EYS: variants seen among roughly 807,000 people sequenced by gnomAD.
The protein encoded by EYS is protein eyes shut homolog.
EYS carries 250 observed loss-of-function variants against 282.1 expected under a neutral mutation model. That is an observed-to-expected ratio of 0.89 (90% CI 0.80 to 0.98). EYS has a LOEUF of 0.98. Among genes scored for constraint, EYS ranks in the 50% least tolerant of loss-of-function variants. The pLI is 0.00. For synonymous variants in EYS, 1,355 were observed against 1,282.9 expected (o/e 1.06, Z -1.20); for missense variants, 4,016 against 3,709.0 (o/e 1.08, Z -2.15).
At chr6:64,030,287 A>G (rs1046535809) in intron 33 of EYS, among the ~76,000 whole-genome samples, 3 of 152,206 alleles carry the variant, frequency 2.0e-5, no homozygotes, top group Admixed American at 1.3e-4. Flanking sequence ...TAGTAAAGAA[A>G]AAACAGTGTA....
At chr6:63,993,391 A>G (rs1288917283) in intron 34 of EYS, among the ~76,000 whole-genome samples, 1 of 151,838 alleles carries the variant, frequency 6.6e-6, no homozygotes, top group Non-Finnish European at 1.5e-5. Context: ...TTCACAGATG[A>G]CCTGATAATA....
chr6:64,482,842 CTA>C (rs1412084825), intron 26 of EYS, among the ~76,000 whole-genome samples: 1 of 151,638 alleles, frequency 6.6e-6, no homozygotes, highest in East Asian at 1.9e-4. Context: ...TATATTTTTT[CTA>C]TGTTACTTCC....
intron 22 of EYS, among the ~76,000 whole-genome samples, chr6:64,653,034 A>T (rs1357739005): frequency 6.6e-6 from 1 of 152,202 alleles, no homozygotes; most frequent in Non-Finnish European, 1.5e-5. Flanking sequence ...TAGAAATAGG[A>T]TCTTTGCCGA....
intron 12 of EYS, among the ~76,000 whole-genome samples, chr6:65,100,626 A>ATTTTG (rs1774868523): frequency 6.6e-6 from 1 of 150,910 alleles, no homozygotes; most frequent in Non-Finnish European, 1.5e-5. Context: ...ACTTTGTTAT[A>ATTTTG]TTTTGTTTTG....
intron 12 of EYS, among the ~76,000 whole-genome samples, chr6:65,067,182 C>A (rs1426475059): frequency 3.9e-5 from 6 of 152,034 alleles, no homozygotes; most frequent in Non-Finnish European, 5.9e-5. Flanking sequence ...GTGGAGAATT[C>A]AATTGGAAAT....
intron 12 of EYS, among the ~76,000 whole-genome samples, chr6:65,074,879 C>A (rs1774000893): frequency 6.6e-6 from 1 of 151,882 alleles, no homozygotes; most frequent in Non-Finnish European, 1.5e-5. Context: ...TCACTGCATG[C>A]AAAAACAGAA....
chr6:65,335,243 C>G, intron 10 of EYS, 97 bp from the exon 11 acceptor site: 1 of 864,342 alleles, frequency 1.2e-6, no homozygotes, highest in Admixed American at 1.9e-5. Flanking sequence ...GCCTCTCTGT[C>G]TACTAAGATG....
chr6:63,974,142 T>C (rs1766719019), intron 35 of EYS, among the ~76,000 whole-genome samples: 1 of 152,130 alleles, frequency 6.6e-6, no homozygotes, highest in Admixed American at 6.6e-5. Context: ...ATTTTGTTTG[T>C]CAAGCTTTTC....
intron 12 of EYS, among the ~76,000 whole-genome samples, chr6:65,201,330 C>T (rs896367499): frequency 6.6e-6 from 1 of 152,102 alleles, no homozygotes; most frequent in Non-Finnish European, 1.5e-5. Flanking sequence ...TTGTCTTTTA[C>T]TAAATTCCAG....
chr6:64,703,327 G>T (rs1205035071), intron 22 of EYS, among the ~76,000 whole-genome samples: 1 of 140,890 alleles, frequency 7.1e-6, no homozygotes, highest in Non-Finnish European at 1.5e-5. Flanking sequence ...AATTTTTTAT[G>T]TATGTATACT....
chr6:64,958,388 T>A (rs919555752), intron 14 of EYS, among the ~76,000 whole-genome samples: 41 of 141,788 alleles, frequency 2.9e-4, no homozygotes, highest in Non-Finnish European at 4.3e-4. Context: ...TCTCAAAAAC[T>A]AAACAAAACA....
At position 65,495,146 on chromosome 6, in the gene EYS, C is replaced by T. The variant is rs757807856; in HGVS notation, c.265G>A (p.Val89Ile). The T allele has an allele frequency of 3.1e-6, 5 of 1,613,872 alleles. No individual in the cohort carries two copies. In the African/African-American group the frequency reaches 6.7e-5, roughly 22 times the overall value. Reference sequence around the variant, plus strand: ...TGAAGAGATGGTTCAGAAGAAATTACAAGGATATCTCCTAATTGAATTTGC... The same window carrying T: ...TGAAGAGATGGTTCAGAAGAAATTATAAGGATATCTCCTAATTGAATTTGC... ...PLQIQLGDIL[V>I]ISSEPSLQFP... The change falls in exon 4 of 43, where the codon GTA becomes ATA. Residue 89 changes from valine to isoleucine, a missense_variant. Physicochemically the swap from Val to Ile is conservative, Grantham distance 29 (BLOSUM62 3). Coordinates refer to ENST00000503581, the MANE Select transcript of EYS (RefSeq NM_001142800.2).
intron 12 of EYS, among the ~76,000 whole-genome samples, chr6:65,177,473 C>T (rs532228743): frequency 6.6e-6 from 1 of 151,888 alleles, no homozygotes; most frequent in South Asian, 2.1e-4. Context: ...GAGTCTTTTA[C>T]TATATTTCAG....
intron 12 of EYS, among the ~76,000 whole-genome samples, chr6:65,182,870 C>T (rs183686290): frequency 6.6e-6 from 1 of 151,908 alleles, no homozygotes; most frequent in Admixed American, 6.6e-5. Flanking sequence ...CTCACCGCAT[C>T]CTTGACCTCT....
intron 31 of EYS, among the ~76,000 whole-genome samples, chr6:64,228,858 T>C (rs536404668): frequency 5.3e-4 from 80 of 152,242 alleles, no homozygotes; most frequent in Middle Eastern, 6.8e-3. Context: ...GTGTTAAAGA[T>C]ACTAGGTAAA....
intron 13 of EYS, among the ~76,000 whole-genome samples, chr6:65,003,086 C>T (rs1159315503): frequency 2.0e-5 from 3 of 147,336 alleles, no homozygotes; most frequent in Non-Finnish European, 3.0e-5. Context: ...GTTTAGGAAA[C>T]AAGAGAGATA....
At chr6:63,815,763 G>T (rs1298696285) in intron 36 of EYS, among the ~76,000 whole-genome samples, 1 of 152,042 alleles carries the variant, frequency 6.6e-6, no homozygotes, top group South Asian at 2.1e-4. Flanking sequence ...TGTCCTTAAA[G>T]GTTTCTAAGT....
chr6:64,847,710 AAAAC>A (rs1006615693), intron 19 of EYS, among the ~76,000 whole-genome samples: 4 of 152,038 alleles, frequency 2.6e-5, no homozygotes, highest in Non-Finnish European at 4.4e-5. Flanking sequence ...TTTATTTTCT[AAAAC>A]AAACAAACAA....
intron 18 of EYS, among the ~76,000 whole-genome samples, chr6:64,899,546 T>C (rs1408254038): frequency 6.6e-6 from 1 of 152,036 alleles, no homozygotes; most frequent in African/African-American, 2.4e-5. Context: ...TGTGCAAAAG[T>C]CACAAGCATT....
Sources: allele counts gnomAD v4.1 joint callset (sites outside exome capture counted in the v4.1 genomes callset), GRCh38; gene constraint gnomAD v4.1.1; transcripts MANE v1.5; gene names NCBI Gene and HGNC (gene_info 2026-07-23, HGNC 2026-07-21).